Variants in SIRT7 observed in about 807,000 individuals in gnomAD.
SIRT7 encodes sirtuin 7, also known as NAD-dependent protein deacetylase sirtuin-7.
Under a neutral mutation model 42.8 loss-of-function variants are expected in SIRT7, and 32 were observed. The observed-to-expected ratio is 0.75, with a 90% CI of 0.56 to 1.00. The LOEUF (loss-of-function observed/expected upper bound fraction) is 1.00, where lower values mean the gene tolerates loss of function less well. SIRT7 is among the 50% of genes least tolerant of loss of function. SIRT7 has a pLI of 0.00. For synonymous variants in SIRT7, 297 were observed against 245.2 expected (o/e 1.21, Z -1.97); for missense variants, 553 against 572.2 (o/e 0.97, Z 0.34).
At chr17:81,917,561 C>G in intron 3 of SIRT7, 54 bp downstream of exon 3, 1 of 1,440,768 alleles carries the variant, frequency 6.9e-7, no homozygotes, top group Non-Finnish European at 9.3e-7. Flanking sequence ...GAGTTTTTCG[C>G]GATTACTGGA....
At position 81,918,007 on chromosome 17, in the gene SIRT7, C is replaced by A. The variant is rs4584878; in HGVS notation, c.93+32G>T. On this transcript the variant is annotated intron_variant, in intron 1 of 9. Coordinates refer to ENST00000328666, the MANE Select transcript of SIRT7 (RefSeq NM_016538.3). ...ACGGTGAGCGGCGGCGCGGGCCGGGCATGGCCGGGCCGGGGAGCGGCGGCG... is the reference window on the plus strand; with the variant it reads ...ACGGTGAGCGGCGGCGCGGGCCGGGAATGGCCGGGCCGGGGAGCGGCGGCG... 1.0e-5 allele frequency: 14 copies of A among 1,388,230 alleles called. No individual in the cohort carries two copies. In the Admixed American group the frequency reaches 2.0e-4, roughly 20 times the overall value. 86.0% of individuals were successfully genotyped at this position (1,388,230 alleles called of 1,614,324 possible).
chr17:81,912,407 A>G lies in SIRT7; in HGVS notation c.*9T>C, dbSNP rs756003672. The G allele has an allele frequency of 1.5e-5, 25 of 1,613,974 alleles. No individual in the cohort carries two copies. Among genetic ancestry groups the G allele is most frequent in the Non-Finnish European group, 2.1e-5 (25 of 1,180,028 alleles). On this transcript the variant is annotated 3_prime_UTR_variant, in exon 10 of 10. Coordinates refer to ENST00000328666, the MANE Select transcript of SIRT7 (RefSeq NM_016538.3). ...GCAAAGTGCCAACTGTTCTTCATCG[A>G]GCACGTGATTACGTCACTTTCTTCC... is the stretch of plus-strand genomic sequence containing the variant.
rs1034730549 is a variant in SIRT7, at chr17:81,913,551, G to A, written c.1004+223C>T. 6.1e-5 allele frequency: 33 copies of A among 543,030 alleles called. No individual in the cohort carries two copies. Among genetic ancestry groups the A allele is most frequent in the South Asian group, 1.0e-4 (5 of 50,040 alleles). 33.6% of individuals were successfully genotyped at this position (543,030 alleles called of 1,614,324 possible). Reference sequence around the variant, plus strand: ...GCACGCGGGCAGAATCCCTCTCCCCGCGGGGATTGTGTGTGCCACATCAGC... The same window carrying A: ...GCACGCGGGCAGAATCCCTCTCCCCACGGGGATTGTGTGTGCCACATCAGC... On this transcript the variant is annotated intron_variant, in intron 9 of 9. Coordinates refer to ENST00000328666, the MANE Select transcript of SIRT7 (RefSeq NM_016538.3). This position sits in a 1 kb window ranked among gnomAD's most constrained non-coding sequence, Gnocchi z 5.0.
rs1277570559 is a variant in SIRT7, at chr17:81,912,163, G to A, written c.*253C>T. On this transcript the variant is annotated 3_prime_UTR_variant, in exon 10 of 10. Transcript: ENST00000328666. ...CCGGGGCTGAAATAACCCGAGTTCC[G>A]TTCTCACAGAAAGGTGCGGCTGCCA... 8 of 558,896 alleles carry A rather than the reference G, an allele frequency of 1.4e-5. No homozygotes were observed. Among genetic ancestry groups the A allele is most frequent in the East Asian group, 3.2e-5 (1 of 31,626 alleles). The allele number at this position is 558,896 out of a possible 1,614,324, so 34.6% of individuals were successfully genotyped here.
At chr17:81,912,827 C>T (rs978276341) in intron 9 of SIRT7, 6 of 618,908 alleles carry the variant, frequency 9.7e-6, no homozygotes, top group African/African-American at 3.7e-5. Flanking sequence ...ACTCAAAGGT[C>T]GGCACCCACA....
Position 81,912,460 on chromosome 17 carries a change from C to A in SIRT7, c.1159G>T (p.Gly387Cys). 6.2e-7 allele frequency: 1 copy of A among 1,614,070 alleles called. No individual in the cohort carries two copies. The highest frequency in any genetic ancestry group is 1.1e-5 in the South Asian group (1 of 91,086). The change falls in exon 10 of 10, where the codon GGC (glycine) becomes TGC (cysteine). Residue 387 changes from glycine (G) to cysteine (C), a missense_variant. Physicochemically the swap from Gly to Cys is radical, Grantham distance 159. Coordinates refer to ENST00000328666, the MANE Select transcript of SIRT7 (RefSeq NM_016538.3). ...TTTGTGCGTTTTGTGCAGCCCCTGC[C>A]AAACCAGCCCCCTAGGATGGGGGCC... Reference protein sequence around the residue: ...SSAPILGGWFGRGCTKRTKRK... With the variant: ...SSAPILGGWFCRGCTKRTKRK...
At chr17:81,917,763 C>G in intron 2 of SIRT7, 44 bp from the exon 3 acceptor site, 3 of 1,463,632 alleles carry the variant, frequency 2.0e-6, no homozygotes, top group Non-Finnish European at 2.7e-6. Context: ...CCGCCCCACC[C>G]GGGACCGCCC....
intron 7 of SIRT7, 31 bp from the exon 8 acceptor site, chr17:81,914,198 C>G: frequency 6.2e-7 from 1 of 1,613,544 alleles, no homozygotes. Flanking sequence ...ACACCGCACA[C>G]ACACAAGGGA....
Position 81,913,745 on chromosome 17 carries a change from G to C in SIRT7, c.1004+29C>G, listed in dbSNP as rs576500277. On this transcript the variant is annotated intron_variant, in intron 9 of 9. Coordinates refer to ENST00000328666, the MANE Select transcript of SIRT7 (RefSeq NM_016538.3). This position sits in a 1 kb window ranked among gnomAD's most constrained non-coding sequence, Gnocchi z 5.0. ...AAGGCCCAGCACACAGAGGTGCGGG[G>C]AAGCAGGCTGCTGCAGCGGCTCACT... 1.5e-5 allele frequency: 23 copies of C among 1,521,934 alleles called. 1 individual carries two copies. The South Asian group carries it at 2.4e-4, about 16-fold the overall frequency. The allele number at this position is 1,521,934 out of a possible 1,614,324, so 94.3% of individuals were successfully genotyped here.
intron 3 of SIRT7, chr17:81,916,796 G>C (rs1290069891): frequency 6.6e-6 from 1 of 152,208 alleles, no homozygotes; most frequent in Non-Finnish European, 1.5e-5. Context: ...CTTGTGGAGG[G>C]AGGAGACTAA....
In SIRT7 at chr17:81,914,651, G is replaced by GC. The variant is rs34241371; in HGVS notation, c.531dup (p.Leu178AlafsTer16). 1.2e-6 allele frequency: 2 copies of GC among 1,613,074 alleles called. No homozygotes were observed. ...AGCTCGGAGATGGCCGTGCGCGGCA[G>GC]CCCACTCCTCAGGTGGAGCCCGTCA... On this transcript the variant is annotated frameshift_variant, in exon 6 of 10. Transcript: ENST00000328666. LOFTEE classifies it high-confidence loss of function.
chr17:81,915,235 G>C (rs540729240), intron 5 of SIRT7: 3 of 604,006 alleles, frequency 5.0e-6, no homozygotes, highest in Non-Finnish European at 8.8e-6. Context: ...GGCTGGCTGC[G>C]GATGGGATGG....
intron 9 of SIRT7, 31 bp from the exon 10 acceptor site, chr17:81,912,645 G>T: frequency 6.3e-7 from 1 of 1,594,752 alleles, no homozygotes; most frequent in Non-Finnish European, 8.5e-7. Context: ...CATCAGGCGG[G>T]CCTGGGAGCC....
In SIRT7 at chr17:81,917,729, C is replaced by T. The variant is rs1468119841; in HGVS notation, c.232-10G>A. On this transcript the variant is annotated splice_polypyrimidine_tract_variant and intron_variant, in intron 2 of 9. Transcript: ENST00000328666. ...CCGGGTCGTCGCACACCTGCCAAGA[C>T]GCCAGGGTGGTCACCGCCCCGGGCC... 1.9e-6 allele frequency: 3 copies of T among 1,563,932 alleles called. No homozygotes were observed. Among genetic ancestry groups the T allele is most frequent in the African/African-American group, 1.4e-5 (1 of 71,682 alleles).
chr17:81,915,352 CAG>C (rs1014018656), intron 5 of SIRT7, 86 bp downstream of exon 5: 2 of 1,444,218 alleles, frequency 1.4e-6, no homozygotes, highest in Admixed American at 1.9e-5. Context: ...AACTGGCAGA[CAG>C]AGGGCGGGTG....
In SIRT7 at chr17:81,913,737, G is replaced by C. The variant is rs202191635; in HGVS notation, c.1004+37C>G. The stretch of plus-strand genomic sequence containing the variant: ...AGACAGACAAGGCCCAGCACACAGA[G>C]GTGCGGGGAAGCAGGCTGCTGCAGC... On this transcript the variant is annotated intron_variant, in intron 9 of 9. Transcript: ENST00000328666. This position sits in a 1 kb window ranked among gnomAD's most constrained non-coding sequence, Gnocchi z 5.0. The C allele has an allele frequency of 1.1e-4, 159 of 1,482,168 alleles. No homozygotes were observed. The highest frequency in any genetic ancestry group is 1.3e-4 in the Non-Finnish European group (138 of 1,086,616). 91.8% of individuals were successfully genotyped at this position (1,482,168 alleles called of 1,614,324 possible). A position where few individuals can be genotyped will look rare whatever the true frequency, so the allele number is the denominator to read the frequency against.
chr17:81,914,776 C>T (rs545655856), intron 5 of SIRT7, 74 bp from the exon 6 acceptor site: 31 of 1,270,700 alleles, frequency 2.4e-5, no homozygotes, highest in South Asian at 2.4e-4. Flanking sequence ...CCGGCCACAG[C>T]GAGGCTGTTC....
Position 81,914,283 on chromosome 17 carries a change from T to C in SIRT7, c.816+11A>G. The C allele has an allele frequency of 6.2e-7, 1 of 1,612,928 alleles. No homozygotes were observed. The highest frequency in any genetic ancestry group is 8.5e-7 in the Non-Finnish European group (1 of 1,179,824). On this transcript the variant is annotated intron_variant, in intron 7 of 9. Coordinates refer to ENST00000328666, the MANE Select transcript of SIRT7 (RefSeq NM_016538.3). ...GGGGCTCGGTTCACTCATTGTGTCA[T>C]CGGCACGTACCTTCAGGCTGGACCC...
At chr17:81,914,267 TTCAC>T (rs2040749381) in intron 7 of SIRT7, 23 bp downstream of exon 7, 2 of 1,612,118 alleles carry the variant, frequency 1.2e-6, no homozygotes, top group Middle Eastern at 1.7e-4. Context: ...AGGGGCTCGG[TTCAC>T]TCATTGTGTC....
Sources: gnomAD v4.1 joint callset for allele counts on GRCh38, gnomAD v4.1.1 for gene constraint, Gnocchi (gnomAD v3.1) non-coding constraint, MANE v1.5 for transcripts, NCBI Gene and HGNC (gene_info 2026-07-23, HGNC 2026-07-21) for gene names.